KCNMA1: variants seen among roughly 807,000 people sequenced by gnomAD.
KCNMA1 encodes the protein potassium calcium-activated channel subfamily M alpha 1, also known as Calcium-activated potassium channel subunit alpha-1.
In KCNMA1, 29 loss-of-function variants were observed where a neutral mutation model predicts 140.0. The observed-to-expected ratio is 0.21, with a 90% CI of 0.15 to 0.28. The LOEUF (loss-of-function observed/expected upper bound fraction) is 0.28. Among genes scored for constraint, KCNMA1 ranks in the 10% least tolerant of loss-of-function variants. The probability of loss-of-function intolerance (pLI) is 1.00; values close to 1 mark genes in which losing one functional copy is unlikely to be tolerated. For missense variants in KCNMA1, 880 were observed against 1,602.2 expected (o/e 0.55, Z 7.70); for synonymous variants, 612 against 611.9 (o/e 1.00, Z 0.00).
intron 2 of KCNMA1, among the ~76,000 whole-genome samples, chr10:77,254,866 C>T (rs2060405712): frequency 6.6e-6 from 1 of 152,172 alleles, no homozygotes; most frequent in Non-Finnish European, 1.5e-5. Context: ...CACAGTACCC[C>T]AGAAAGCAAA....
chr10:77,357,965 TAC>T (rs1463587921), intron 2 of KCNMA1, among the ~76,000 whole-genome samples: 6 of 152,130 alleles, frequency 3.9e-5, no homozygotes, highest in African/African-American at 1.2e-4. Flanking sequence ...AAAATCAGCT[TAC>T]AGTCAGAGGG....
At chr10:77,460,470 G>A (rs976788943) in intron 1 of KCNMA1, among the ~76,000 whole-genome samples, 6 of 152,014 alleles carry the variant, frequency 3.9e-5, no homozygotes, top group Admixed American at 6.6e-5. Context: ...TAGCAAAGTC[G>A]TGGAATCAAC....
chr10:77,326,738 C>T (rs151054005), intron 2 of KCNMA1, among the ~76,000 whole-genome samples: 100 of 152,264 alleles, frequency 6.6e-4, no homozygotes, highest in African/African-American at 1.7e-3. Context: ...GTATTAATCA[C>T]GTTACCAGGG....
chr10:77,145,561 C>T (rs1365001475), intron 5 of KCNMA1, among the ~76,000 whole-genome samples: 3 of 152,164 alleles, frequency 2.0e-5, no homozygotes, highest in Non-Finnish European at 4.4e-5. Flanking sequence ...TCTTCATCTA[C>T]CAATACTGGG....
intron 2 of KCNMA1, among the ~76,000 whole-genome samples, chr10:77,289,765 A>C (rs1463074521): frequency 5.3e-5 from 8 of 152,242 alleles, no homozygotes; most frequent in African/African-American, 1.9e-4. Context: ...AGTACATCAA[A>C]AATTTCCTTC....
intron 23 of KCNMA1, among the ~76,000 whole-genome samples, chr10:76,930,445 T>C (rs1322644716): frequency 1.3e-5 from 2 of 152,216 alleles, no homozygotes; most frequent in Non-Finnish European, 1.5e-5. Flanking sequence ...CCTGTTAAGA[T>C]TGCTATTATT....
intron 2 of KCNMA1, among the ~76,000 whole-genome samples, chr10:77,371,953 A>G (rs1314953506): frequency 6.6e-6 from 1 of 152,236 alleles, no homozygotes; most frequent in Admixed American, 6.5e-5. Flanking sequence ...TCCTTAAAGC[A>G]TGGAGTCAAC....
Position 77,365,489 on chromosome 10 carries a change from T to C in KCNMA1, c.540+38373A>G, listed in dbSNP as rs1279892920. ...CTCTCAATCAATGGTAGAACTCTCA[T>C]GCACAATCTTCTTTGGTTGGGGGCA... On this transcript the variant is annotated intron_variant, in intron 2 of 27. Transcript: ENST00000286628. Among the ~76,000 whole-genome samples the C allele has an allele frequency of 3.3e-5, 5 of 152,222 alleles. No homozygotes were observed. The East Asian group carries it at 9.6e-4, about 29-fold the overall frequency.
chr10:77,063,911 T>C (rs906211892), intron 14 of KCNMA1: 3 of 985,316 alleles, frequency 3.0e-6, no homozygotes, highest in Non-Finnish European at 3.6e-6. Context: ...GCTTGTTCAA[T>C]AAGATGGCTC....
Position 77,439,137 on chromosome 10 carries a change from GAAGAGAAGAGAAAAGAGAAGAGAAGAA to G in KCNMA1, c.379-35141_379-35115del, listed in dbSNP as rs1403140552. Reference sequence around the variant, plus strand: ...GAAGAGAAGAGAAGAGAAGAGAAGAGAAGAGAAGAGAAAAGAGAAGAGAAGAAAAGAAAAGAGAAGAGAAGATTCCAA... The same window carrying G: ...GAAGAGAAGAGAAGAGAAGAGAAGAGAAGAAAAGAGAAGAGAAGATTCCAA... On this transcript the variant is annotated intron_variant, in intron 1 of 27. Coordinates refer to ENST00000286628, the MANE Select transcript of KCNMA1 (RefSeq NM_001161352.2). 4.3e-4 allele frequency among the ~76,000 whole-genome samples: 61 copies of G among 142,202 alleles called. 1 individual carries two copies. The highest frequency in any genetic ancestry group is 1.3e-3 in the African/African-American group (48 of 37,612). 93.3% of individuals were successfully genotyped at this position (142,202 alleles called of 152,430 possible).
intron 2 of KCNMA1, among the ~76,000 whole-genome samples, chr10:77,269,053 G>A (rs1377732886): frequency 6.6e-6 from 1 of 152,152 alleles, no homozygotes; most frequent in Non-Finnish European, 1.5e-5. Flanking sequence ...GAGTCCCCAA[G>A]TGAAGAACTG....
intron 14 of KCNMA1, among the ~76,000 whole-genome samples, chr10:77,059,943 A>G (rs750352711): frequency 1.8e-4 from 27 of 152,150 alleles, no homozygotes; most frequent in Non-Finnish European, 3.5e-4. Context: ...TTGGAACCCA[A>G]TTTTTTTAAG....
chr10:77,329,560 T>C (rs2085526335), intron 2 of KCNMA1, among the ~76,000 whole-genome samples: 1 of 152,168 alleles, frequency 6.6e-6, no homozygotes, highest in Non-Finnish European at 1.5e-5. Flanking sequence ...GTAAAAAGTG[T>C]TTTTGTGTCA....
At chr10:77,492,045 G>A (rs142432605) in intron 1 of KCNMA1, among the ~76,000 whole-genome samples, 19 of 152,274 alleles carry the variant, frequency 1.2e-4, no homozygotes, top group East Asian at 1.9e-4. Context: ...CTACTGCTCC[G>A]TTCACTGGGG....
downstream of KCNMA1, chr10:76,874,502 C>G (rs919908320): frequency 2.0e-5 from 3 of 152,144 alleles, no homozygotes; most frequent in African/African-American, 2.4e-5. Flanking sequence ...TTTTAAAGAT[C>G]AAGTTTGTTG....
Position 77,108,688 on chromosome 10 carries a change from G to A in KCNMA1, c.1132-116C>T. ...AACACAAAAGGATTAGGCCTGCAAA[G>A]GTATATATTGATATGTTGGATCATA... is the stretch of plus-strand genomic sequence containing the variant. On this transcript the variant is annotated intron_variant, in intron 8 of 27. Transcript: ENST00000286628. The surrounding 1 kb of genome is among the most constrained non-coding windows in gnomAD (Gnocchi z 4.6). 1 of 768,982 alleles carries A rather than the reference G, an allele frequency of 1.3e-6. No individual in the cohort carries two copies. Among genetic ancestry groups the A allele is most frequent in the East Asian group, 2.5e-5 (1 of 39,872 alleles). 47.6% of individuals were successfully genotyped at this position (768,982 alleles called of 1,614,324 possible).
At chr10:77,627,119 G>A (rs1276033731) in intron 1 of KCNMA1, among the ~76,000 whole-genome samples, 1 of 152,152 alleles carries the variant, frequency 6.6e-6, no homozygotes, top group Non-Finnish European at 1.5e-5. Context: ...ATGAGCAGGT[G>A]GGAAAGAAAC....
At chr10:77,436,596 T>C (rs1388525448) in intron 1 of KCNMA1, among the ~76,000 whole-genome samples, 1 of 152,154 alleles carries the variant, frequency 6.6e-6, no homozygotes, top group African/African-American at 2.4e-5. Context: ...ATCTCCATTA[T>C]ACAGAAAAGG....
intron 18 of KCNMA1, chr10:77,008,114 A>C: frequency 7.1e-7 from 1 of 1,416,088 alleles, no homozygotes; most frequent in Non-Finnish European, 9.6e-7. Context: ...ACAGAAAATT[A>C]AAAGAGTATC....
Sources: gnomAD v4.1 joint callset for allele counts (sites outside exome capture counted in the v4.1 genomes callset) on GRCh38, gnomAD v4.1.1 for gene constraint, Gnocchi (gnomAD v3.1) non-coding constraint, MANE v1.5 for transcripts, NCBI Gene and HGNC (gene_info 2026-07-23, HGNC 2026-07-21) for gene names.